ZNF385D: variants seen among roughly 807,000 people sequenced by gnomAD.
ZNF385D encodes the protein zinc finger protein 385D.
A neutral mutation model predicts 35.8 loss-of-function variants in ZNF385D; 15 were observed. The observed-to-expected ratio is 0.42, with a 90% CI of 0.28 to 0.64. ZNF385D has a LOEUF of 0.64. Among genes scored for constraint, ZNF385D ranks in the 30% least tolerant of loss-of-function variants. ZNF385D has a pLI of 0.23. For synonymous variants in ZNF385D, 212 were observed against 186.8 expected (o/e 1.13, Z -1.10); for missense variants, 474 against 494.6 (o/e 0.96, Z 0.39).
intron 3 of ZNF385D, among the ~76,000 whole-genome samples, chr3:21,897,929 A>C (rs375127017): frequency 4.1e-4 from 63 of 152,240 alleles, no homozygotes; most frequent in African/African-American, 1.5e-3. Context: ...GTTATTTGTT[A>C]GTTTTTAAAA....
intron 3 of ZNF385D, among the ~76,000 whole-genome samples, chr3:21,805,832 G>A (rs1191170256): frequency 2.0e-5 from 3 of 152,132 alleles, no homozygotes; most frequent in Non-Finnish European, 4.4e-5. Flanking sequence ...TTGGAGCTTC[G>A]AGCATGGGAT....
chr3:21,921,479 A>C (rs919533157), intron 3 of ZNF385D, among the ~76,000 whole-genome samples: 10 of 152,118 alleles, frequency 6.6e-5, no homozygotes, highest in African/African-American at 2.4e-4. Flanking sequence ...GAGGTCCTTA[A>C]ATCTTGTATT....
intron 4 of ZNF385D, among the ~76,000 whole-genome samples, chr3:21,488,213 GGA>G (rs1705171364): frequency 6.6e-6 from 1 of 151,588 alleles, no homozygotes; most frequent in Non-Finnish European, 1.5e-5. Flanking sequence ...ACTTCAATGA[GGA>G]TTACAATTGT....
chr3:21,493,299 T>C (rs1705573949), intron 4 of ZNF385D, among the ~76,000 whole-genome samples: 1 of 152,184 alleles, frequency 6.6e-6, no homozygotes, highest in African/African-American at 2.4e-5. Flanking sequence ...TCCCATTTCT[T>C]ATATTCATGG....
chr3:21,473,356 G>A (rs1704024899), intron 4 of ZNF385D, among the ~76,000 whole-genome samples: 1 of 152,048 alleles, frequency 6.6e-6, no homozygotes. Flanking sequence ...TCCTGGCTGT[G>A]TTTATTTTCT....
chr3:21,809,352 G>A (rs1369964424), intron 3 of ZNF385D, among the ~76,000 whole-genome samples: 1 of 150,120 alleles, frequency 6.7e-6, no homozygotes, highest in Non-Finnish European at 1.5e-5. Flanking sequence ...GCACTCTTGG[G>A]TTTTTAAAAT....
chr3:21,640,720 G>A (rs185570620), intron 2 of ZNF385D, among the ~76,000 whole-genome samples: 10 of 152,090 alleles, frequency 6.6e-5, no homozygotes, highest in Admixed American at 2.6e-4. Context: ...TGTTTAAACC[G>A]CCCATTCTAT....
intron 4 of ZNF385D, among the ~76,000 whole-genome samples, chr3:21,484,169 C>T (rs1223467163): frequency 1.3e-5 from 2 of 152,174 alleles, no homozygotes; most frequent in Non-Finnish European, 2.9e-5. Context: ...GCTCACCCTT[C>T]CCAGGGCTGA....
chr3:22,185,053 T>C (rs1473409236), intron 2 of ZNF385D, among the ~76,000 whole-genome samples: 3 of 152,194 alleles, frequency 2.0e-5, no homozygotes, highest in African/African-American at 4.8e-5. Flanking sequence ...TACCTTGCTG[T>C]ACATTGGATA....
chr3:22,248,246 A>AGT (rs1256454617), intron 2 of ZNF385D, among the ~76,000 whole-genome samples: 4 of 152,218 alleles, frequency 2.6e-5, no homozygotes, highest in Admixed American at 2.6e-4. Flanking sequence ...CAAGGCAGGT[A>AGT]GTGACCACAT....
Position 21,425,565 on chromosome 3 carries a change from G to A in ZNF385D, c.779C>T (p.Thr260Ile). 1 of 1,612,156 alleles carries A rather than the reference G, an allele frequency of 6.2e-7. No individual in the cohort carries two copies. Residue 260 changes from threonine (T) to isoleucine (I), a missense_variant, in exon 6 of 8, where the codon ACA (threonine) becomes ATA (isoleucine). Coordinates refer to ENST00000281523, the MANE Select transcript of ZNF385D (RefSeq NM_024697.3). ...KGKGPVNKGN[T>I]GLQNKTFHCE... ...GTGAAATGTTTTATTTTGGAGGCCT[G>A]TGTTTCCTTTATTAACAGGTCCTTT...
At chr3:21,545,586 A>G (rs1224549338) in intron 3 of ZNF385D, among the ~76,000 whole-genome samples, 5 of 152,228 alleles carry the variant, frequency 3.3e-5, no homozygotes, top group Admixed American at 2.0e-4. Flanking sequence ...TTATGGCAAT[A>G]TAGTTGTTTG....
In ZNF385D at chr3:22,144,991, TAC is replaced by T. The variant is rs1227920975; in HGVS notation, c.325+23824_325+23825del. 1.1e-4 allele frequency among the ~76,000 whole-genome samples: 15 copies of T among 141,112 alleles called. 1 individual carries two copies. The highest frequency in any genetic ancestry group is 8.4e-4 in the East Asian group (4 of 4,772). 92.6% of individuals were successfully genotyped at this position (141,112 alleles called of 152,430 possible). On this transcript the variant is annotated intron_variant, in intron 3 of 5. Transcript: ENST00000494108. ...TAATCAAGACAGAGCTAACTAGAAA[TAC>T]AGTGTTGAAGATACATATGTGTGTG... is the stretch of plus-strand genomic sequence containing the variant.
At chr3:22,019,774 C>A (rs922974741) in intron 3 of ZNF385D, among the ~76,000 whole-genome samples, 4 of 151,656 alleles carry the variant, frequency 2.6e-5, no homozygotes, top group South Asian at 2.1e-4. Context: ...GCTGCGGGAA[C>A]TGGGGAAAAA....
chr3:21,722,350 C>T (rs2068579185), intron 1 of ZNF385D, among the ~76,000 whole-genome samples: 1 of 152,188 alleles, frequency 6.6e-6, no homozygotes, highest in African/African-American at 2.4e-5. Context: ...TGTATCTATC[C>T]TTCTTCCTCT....
At chr3:21,511,617 C>A in intron 3 of ZNF385D, 1 of 444,902 alleles carries the variant, frequency 2.2e-6, no homozygotes, top group African/African-American at 2.0e-5. Context: ...CTCCTCACTT[C>A]TTACCAAGGG....
chr3:22,148,042 T>C (rs948180466), intron 3 of ZNF385D, among the ~76,000 whole-genome samples: 2 of 152,204 alleles, frequency 1.3e-5, no homozygotes, highest in African/African-American at 4.8e-5. Flanking sequence ...AAAAATGTAG[T>C]TTGATTGTGG....
chr3:22,201,740 C>A (rs1237100415), intron 2 of ZNF385D, among the ~76,000 whole-genome samples: 1 of 151,714 alleles, frequency 6.6e-6, no homozygotes, highest in African/African-American at 2.4e-5. Flanking sequence ...TGCATACATG[C>A]AGGAAGGCAT....
chr3:22,276,413 G>A (rs566774920), intron 2 of ZNF385D, among the ~76,000 whole-genome samples: 1 of 152,086 alleles, frequency 6.6e-6, no homozygotes, highest in Non-Finnish European at 1.5e-5. Flanking sequence ...AGTGGTATAA[G>A]AGTTTAAAAG....
Sources: allele counts gnomAD v4.1 joint callset (sites outside exome capture counted in the v4.1 genomes callset), GRCh38; gene constraint gnomAD v4.1.1; transcripts MANE v1.5; gene names NCBI Gene and HGNC (gene_info 2026-07-23, HGNC 2026-07-21).